Variants in DNTT observed in about 807,000 individuals in gnomAD.
The protein encoded by DNTT is DNA nucleotidylexotransferase.
A neutral mutation model predicts 60.9 loss-of-function variants in DNTT; 47 were observed. The ratio of observed to expected loss-of-function variants is 0.77; its 90% CI spans 0.61 to 0.98. DNTT has a LOEUF of 0.98. DNTT is among the 50% of genes least tolerant of loss of function. DNTT has a pLI of 0.00. For missense variants in DNTT, 665 were observed against 627.5 expected, an observed-to-expected ratio of 1.06 and a Z score of -0.64; for synonymous variants, 224 against 221.2, an observed-to-expected ratio of 1.01 and a Z score of -0.11.
intron 1 of DNTT, among the ~76,000 whole-genome samples, chr10:96,315,231 CT>C (rs2133985841): frequency 3.8e-5 from 1 of 26,548 alleles, no homozygotes; most frequent in East Asian, 1.2e-3. Context: ...AAGACCAATG[CT>C]TCTTTTTTTT....
rs1464694599 is a variant in DNTT, at chr10:96,324,300, C to T, written c.785C>T (p.Thr262Ile). ...TCTGTATTTGGAGTGGGGCTGAAGA[C>T]TTCTGAGAAGTGGTTCAGGATGGGT... ...FTSVFGVGLKTSEKWFRMGFR... is the reference protein window; with the variant it reads ...FTSVFGVGLKISEKWFRMGFR... The change falls in exon 6 of 11, where the codon ACT (threonine) becomes ATT (isoleucine). Residue 262 changes from threonine to isoleucine, a missense_variant. Transcript: ENST00000371174. The T allele has an allele frequency of 1.2e-6, 2 of 1,613,618 alleles. No homozygotes were observed. Among genetic ancestry groups the T allele is most frequent in the Non-Finnish European group, 1.7e-6 (2 of 1,179,720 alleles).
At chr10:96,337,236 C>T (rs1398396445) in intron 10 of DNTT, among the ~76,000 whole-genome samples, 1 of 152,150 alleles carries the variant, frequency 6.6e-6, no homozygotes, top group Non-Finnish European at 1.5e-5. Flanking sequence ...ATAGTTCCCC[C>T]AAGAATCCTA....
chr10:96,307,883 C>G (rs1409021405), intron 1 of DNTT, among the ~76,000 whole-genome samples: 1 of 150,706 alleles, frequency 6.6e-6, no homozygotes, highest in Non-Finnish European at 1.5e-5. Context: ...CGGATCCTCT[C>G]ACCTCAGCCT....
At position 96,338,223 on chromosome 10, in the gene DNTT, A is replaced by G. The variant is rs1307439401; in HGVS notation, c.1529A>G (p.Ter510TrpextTer14). The G allele has an allele frequency of 1.9e-6, 3 of 1,605,184 alleles. No individual in the cohort carries two copies. Among genetic ancestry groups the G allele is most frequent in the African/African-American group, 1.3e-5 (1 of 74,584 alleles). The change falls in exon 11 of 11, where the codon TAG becomes TGG. Residue 510 changes from the stop codon to tryptophan, a stop_lost. Coordinates refer to ENST00000371174, the MANE Select transcript of DNTT (RefSeq NM_004088.4). ...ATTGAACCGTGGGAAAGAAATGCCTAGGAAAGTGTTGTCAACATTTTTTTC... is the reference window on the plus strand; with the variant it reads ...ATTGAACCGTGGGAAAGAAATGCCTGGGAAAGTGTTGTCAACATTTTTTTC... Reference protein sequence around the residue: ...DYIEPWERNA* With the variant: ...DYIEPWERNAW
In DNTT at chr10:96,327,567, A is replaced by T. The variant is rs181202846; in HGVS notation, c.974A>T (p.Asp325Val). 11 of 1,613,954 alleles carry T rather than the reference A, an allele frequency of 6.8e-6. No homozygotes were observed. The Admixed American group carries it at 1.7e-4, about 24-fold the overall frequency. Reference protein sequence around the residue: ...VKEAVWAFLPDAFVTMTGGFR... With the variant: ...VKEAVWAFLPVAFVTMTGGFR... ...GAGGCTGTCTGGGCATTTCTTCCGG[A>T]TGCTTTCGTCACCATGACAGGAGGG... Residue 325 changes from aspartate to valine, a missense_variant, in exon 7 of 11, where the codon GAT becomes GTT. Coordinates refer to ENST00000371174, the MANE Select transcript of DNTT (RefSeq NM_004088.4).
chr10:96,320,912 T>A, intron 4 of DNTT, 124 bp downstream of exon 4: 1 of 1,177,862 alleles, frequency 8.5e-7, no homozygotes, highest in Non-Finnish European at 1.2e-6. Context: ...AATTTTCCTT[T>A]ATACATATTC....
At chr10:96,327,402 C>A (rs528468755) in intron 6 of DNTT, 66 bp from the exon 7 acceptor site, 8 of 1,611,902 alleles carry the variant, frequency 5.0e-6, no homozygotes, top group Non-Finnish European at 6.8e-6. Context: ...GAATCCCCTT[C>A]TACTGAGGGC....
chr10:96,332,412 G>C lies in DNTT; in HGVS notation c.1175G>C (p.Arg392Thr). The C allele has an allele frequency of 6.2e-7, 1 of 1,614,182 alleles. No homozygotes were observed. Among genetic ancestry groups the C allele is most frequent in the Non-Finnish European group, 8.5e-7 (1 of 1,180,018 alleles). ...TTTGAAAAGCTCAGGTTGCCTAGCA[G>C]GAAGGTTGATGCTTTGGATCATTTT... ...STFEKLRLPS[R>T]KVDALDHFQK... The change falls in exon 9 of 11, where the codon AGG (arginine) becomes ACG (threonine). Residue 392 changes from arginine to threonine, a missense_variant. By Grantham distance (71) the Arg-to-Thr change is moderately conservative. Transcript: ENST00000371174.
Position 96,330,889 on chromosome 10 carries a change from T to C in DNTT, c.1114-1462T>C, listed in dbSNP as rs141103114. Among the ~76,000 whole-genome samples, 267 of 152,254 alleles carry C rather than the reference T, an allele frequency of 1.8e-3. 2 individuals carry two copies. The highest frequency in any genetic ancestry group is 6.8e-3 in the Middle Eastern group (2 of 294). On this transcript the variant is annotated intron_variant, in intron 8 of 10. Transcript: ENST00000371174. ...CTTCTGATGATAGCGCTTTTAAACA[T>C]CTAACCTAAAGAGTACATGGTAACA...
In DNTT at chr10:96,320,743, A is replaced by G; in HGVS notation, c.633A>G (p.Thr211=). The change falls in exon 4 of 11, where the codon ACA becomes ACG. Residue 211 remains threonine, a synonymous_variant. Coordinates refer to ENST00000371174, the MANE Select transcript of DNTT (RefSeq NM_004088.4). ...LPFTIISMKD[T]EGIPCLGSKV... ...TCACAATCATCAGTATGAAGGACAC[A>G]GAAGGAATTCCCTGCCTGGGGTCCA... 6.2e-7 allele frequency: 1 copy of G among 1,613,912 alleles called. No homozygotes were observed. The highest frequency in any genetic ancestry group is 2.2e-5 in the East Asian group (1 of 44,874).
chr10:96,317,719 G>A (rs958207282), intron 1 of DNTT, among the ~76,000 whole-genome samples: 1 of 152,200 alleles, frequency 6.6e-6, no homozygotes, highest in African/African-American at 2.4e-5. Context: ...TGCCATCTAT[G>A]AAGAATGGGC....
chr10:96,338,441 A>C lies in DNTT; in HGVS notation c.*217A>C. ...TTTATGACTGTTGCATAGAATTCAC[A>C]ATGCATTTTTCAAGAGAAATGATGT... On this transcript the variant is annotated 3_prime_UTR_variant, in exon 11 of 11. Coordinates refer to ENST00000371174, the MANE Select transcript of DNTT (RefSeq NM_004088.4). 1 of 385,852 alleles carries C rather than the reference A, an allele frequency of 2.6e-6. No homozygotes were observed. Among genetic ancestry groups the C allele is most frequent in the Non-Finnish European group, 4.6e-6 (1 of 216,148 alleles). The allele number at this position is 385,852 out of a possible 1,614,324, so 23.9% of individuals were successfully genotyped here.
intron 1 of DNTT, among the ~76,000 whole-genome samples, chr10:96,305,391 C>T (rs1844621693): frequency 6.6e-6 from 1 of 152,122 alleles, no homozygotes; most frequent in African/African-American, 2.4e-5. Context: ...CTCACTAATC[C>T]ACTCACCTTG....
At chr10:96,313,804 GC>G (rs1238642609) in intron 1 of DNTT, among the ~76,000 whole-genome samples, 1 of 152,214 alleles carries the variant, frequency 6.6e-6, no homozygotes, top group African/African-American at 2.4e-5. Context: ...CCCATCAGAG[GC>G]AGGGCTGTGT....
intron 1 of DNTT, among the ~76,000 whole-genome samples, chr10:96,311,249 T>G (rs1844710918): frequency 1.3e-5 from 2 of 152,216 alleles, no homozygotes; most frequent in Admixed American, 1.3e-4. Context: ...AAATGACTAT[T>G]TAAGTCACTG....
At chr10:96,330,082 C>T (rs931564466) in intron 8 of DNTT, among the ~76,000 whole-genome samples, 1 of 152,216 alleles carries the variant, frequency 6.6e-6, no homozygotes, top group Non-Finnish European at 1.5e-5. Context: ...GCCCAGAGGG[C>T]TGCCCTGTAG....
chr10:96,319,095 C>T (rs538384492), intron 2 of DNTT, among the ~76,000 whole-genome samples, 167 bp from the exon 3 acceptor site: 7 of 151,916 alleles, frequency 4.6e-5, no homozygotes, highest in South Asian at 2.1e-4. Context: ...AAAAATAATA[C>T]GTGTTGATAA....
chr10:96,311,769 G>A (rs929260078), intron 1 of DNTT, among the ~76,000 whole-genome samples: 2 of 152,144 alleles, frequency 1.3e-5, no homozygotes, highest in African/African-American at 2.4e-5. Context: ...TCAGCCTCCC[G>A]AGTGGCTGGG....
chr10:96,307,701 G>GTATATATATATATA (rs1197196328), intron 1 of DNTT, among the ~76,000 whole-genome samples: 2 of 85,032 alleles, frequency 2.4e-5, no homozygotes, highest in African/African-American at 7.5e-5. Flanking sequence ...GTGTGTGTGT[G>GTATATATATATATA]TGTGTATATA....
Sources: gnomAD v4.1 joint callset for allele counts (sites outside exome capture counted in the v4.1 genomes callset) on GRCh38, gnomAD v4.1.1 for gene constraint, MANE v1.5 for transcripts, NCBI Gene and HGNC (gene_info 2026-07-23, HGNC 2026-07-21) for gene names.